The following HEATR6 variants were observed in gnomAD, a reference collection of about 807,000 sequenced individuals.
HEATR6 encodes the protein HEAT repeat-containing protein 6.
A neutral mutation model predicts 132.8 loss-of-function variants in HEATR6; 106 were observed. That is an observed-to-expected ratio of 0.80 (90% CI 0.68 to 0.94). HEATR6 has a LOEUF of 0.94. HEATR6 is among the 40% of genes least tolerant of loss of function. The pLI, the probability that HEATR6 is intolerant of heterozygous loss-of-function variation, is 0.00. For missense variants in HEATR6, 1,339 were observed against 1,425.1 expected (o/e 0.94, Z 0.97); for synonymous variants, 529 against 537.8 (o/e 0.98, Z 0.23).
At chr17:60,064,660 C>T (rs1183256240) in intron 9 of HEATR6, 2 of 149,654 alleles carry the variant, frequency 1.3e-5, no homozygotes, top group Non-Finnish European at 3.0e-5. Context: ...GAAGGAAGTT[C>T]TGTATCTTTT....
In HEATR6 at chr17:60,073,206, A is replaced by T. The variant is rs753676389; in HGVS notation, c.542T>A (p.Val181Asp). The T allele has an allele frequency of 2.9e-5, 46 of 1,613,562 alleles. No homozygotes were observed. Among genetic ancestry groups the T allele is most frequent in the Non-Finnish European group, 3.9e-5 (46 of 1,179,626 alleles). ...LSDLAQSDPE[V>D]RRAAVHCMAN... ...CATACAATGTACTGCAGCTCTCCTG[A>T]CTTCAGGATCAGACTGAGCCAAGTC... is the stretch of plus-strand genomic sequence containing the variant. Residue 181 changes from valine to aspartate, a missense_variant, in exon 4 of 20, where the codon GTC (valine) becomes GAC (aspartate). Coordinates refer to ENST00000184956, the MANE Select transcript of HEATR6 (RefSeq NM_022070.5).
intron 9 of HEATR6, among the ~76,000 whole-genome samples, chr17:60,061,889 C>G (rs2083214090): frequency 6.6e-6 from 1 of 152,184 alleles, no homozygotes. Flanking sequence ...ATCACAATTC[C>G]AACAGCTCAC....
At chr17:60,055,624 A>C (rs1568617624) in intron 13 of HEATR6, 23 bp from the exon 14 acceptor site, 1 of 1,562,962 alleles carries the variant, frequency 6.4e-7, no homozygotes, top group Non-Finnish European at 8.8e-7. Flanking sequence ...AGAATTACCG[A>C]AGTGGAGCAT....
chr17:60,076,552 T>A (rs761191348), intron 1 of HEATR6: 29 of 217,736 alleles, frequency 1.3e-4, no homozygotes, highest in Admixed American at 5.1e-4. Flanking sequence ...AAAACTTTTT[T>A]AAAAAAATTA....
At position 60,046,069 on chromosome 17, in the gene HEATR6, C is replaced by A; in HGVS notation, c.2930G>T (p.Cys977Phe). The change falls in exon 19 of 20, where the codon TGT (cysteine) becomes TTT (phenylalanine). Residue 977 changes from cysteine (C) to phenylalanine (F), a missense_variant. Coordinates refer to ENST00000184956, the MANE Select transcript of HEATR6 (RefSeq NM_022070.5). ...EAAMKVRWNA[C>F]YAMGNVFKNP... ...TTTAAATACATTTCCCATTGCATAA[C>A]AAGCATTCCATCGGACTTTCATGGC... 6.2e-7 allele frequency: 1 copy of A among 1,614,084 alleles called. No homozygotes were observed. The highest frequency in any genetic ancestry group is 8.5e-7 in the Non-Finnish European group (1 of 1,179,996).
chr17:60,056,416 T>C (rs1405844066), intron 12 of HEATR6, among the ~76,000 whole-genome samples, 179 bp from the exon 13 acceptor site: 3 of 152,232 alleles, frequency 2.0e-5, no homozygotes, highest in Non-Finnish European at 4.4e-5. Context: ...ATCATAGTTT[T>C]ATGGTGCTTT....
intron 1 of HEATR6, among the ~76,000 whole-genome samples, chr17:60,077,554 T>C (rs1227092266): frequency 1.3e-5 from 2 of 152,254 alleles, no homozygotes; most frequent in Non-Finnish European, 2.9e-5. Flanking sequence ...ACTTTGCATA[T>C]ATAAACACAC....
chr17:60,072,152 A>C (rs149094289), intron 5 of HEATR6, 63 bp downstream of exon 5: 5 of 732,196 alleles, frequency 6.8e-6, no homozygotes, highest in Non-Finnish European at 1.1e-5. Context: ...CGTTAGTAAC[A>C]CTTTTCCAAT....
At chr17:60,062,738 A>T (rs1048388217) in intron 9 of HEATR6, among the ~76,000 whole-genome samples, 4 of 152,076 alleles carry the variant, frequency 2.6e-5, no homozygotes, top group African/African-American at 9.7e-5. Context: ...TATCTAAGTG[A>T]TATGGTTTAG....
chr17:60,072,123 T>C (rs1352547897), intron 5 of HEATR6, 92 bp downstream of exon 5: 1 of 508,650 alleles, frequency 2.0e-6, no homozygotes, highest in Non-Finnish European at 3.5e-6. Flanking sequence ...TAGACGAAGC[T>C]AATGGTGCAA....
rs768789098 is a variant in HEATR6 at position 60,076,228 on chromosome 17, C to A, written c.229G>T (p.Ala77Ser). 3.1e-6 allele frequency: 5 copies of A among 1,590,462 alleles called. No homozygotes were observed. In the South Asian group the frequency reaches 4.5e-5, roughly 14 times the overall value. ...GSGVAPEDVS[A>S]LLVQACRLVP... ...AGTCGGCAAGCCTGGACAAGAAGAG[C>A]ACTAACGTCCTACCAAAAAAAAAAA... is the stretch of plus-strand genomic sequence containing the variant. Residue 77 changes from alanine (A) to serine (S), a missense_variant, in exon 2 of 20, where the codon GCT becomes TCT. Physicochemically the swap from Ala to Ser is moderately conservative, Grantham distance 99. Coordinates refer to ENST00000184956, the MANE Select transcript of HEATR6 (RefSeq NM_022070.5).
chr17:60,043,100 G>A lies in HEATR6; in HGVS notation c.*463C>T. 1 of 268,938 alleles carries A rather than the reference G, an allele frequency of 3.7e-6. No individual in the cohort carries two copies. The highest frequency in any genetic ancestry group is 7.3e-6 in the Non-Finnish European group (1 of 136,066). 16.7% of individuals were successfully genotyped at this position (268,938 alleles called of 1,614,324 possible). A position where few individuals can be genotyped will look rare whatever the true frequency, so the allele number is the denominator to read the frequency against. On this transcript the variant is annotated 3_prime_UTR_variant, in exon 20 of 20. Transcript: ENST00000184956. ...GGCACTGTCAGCATCCTCGCATCCT[G>A]TGCAGCTGGGCCAGGACAAACTGGC...
At chr17:60,056,731 GCAAAAAT>G (rs1906754716) in intron 12 of HEATR6, among the ~76,000 whole-genome samples, 1 of 152,114 alleles carries the variant, frequency 6.6e-6, no homozygotes, top group Non-Finnish European at 1.5e-5. Flanking sequence ...CATTTAAGTT[GCAAAAAT>G]CAAAAATTAA....
In HEATR6 at chr17:60,070,827, C is replaced by A. The variant is rs1350583986; in HGVS notation, c.700-20G>T. 7.7e-7 allele frequency: 1 copy of A among 1,299,844 alleles called. No homozygotes were observed. The highest frequency in any genetic ancestry group is 1.1e-6 in the Non-Finnish European group (1 of 893,740). 80.5% of individuals were successfully genotyped at this position (1,299,844 alleles called of 1,614,324 possible). A position where few individuals can be genotyped will look rare whatever the true frequency, so the allele number is the denominator to read the frequency against. ...CAATAACTAGGGGGAAAAGGGAGACCCAGTTAGAAGGCAGAATAAAATCTG... is the reference window on the plus strand; with the variant it reads ...CAATAACTAGGGGGAAAAGGGAGACACAGTTAGAAGGCAGAATAAAATCTG... On this transcript the variant is annotated intron_variant, in intron 5 of 19. Coordinates refer to ENST00000184956, the MANE Select transcript of HEATR6 (RefSeq NM_022070.5).
At position 60,059,901 on chromosome 17, in the gene HEATR6, G is replaced by C; in HGVS notation, c.1612C>G (p.Gln538Glu). Residue 538 changes from glutamine to glutamate, a missense_variant, in exon 10 of 20, where the codon CAG becomes GAG. Gln to Glu is a conservative substitution (Grantham distance 29, BLOSUM62 2). Coordinates refer to ENST00000184956, the MANE Select transcript of HEATR6 (RefSeq NM_022070.5). ...AGTTGGTACATTACCTTAATTATCT[G>C]AGTAACGGTCTGTGAGGATGACTCC... ...VAESSSQTVTQIIKCLANLVS... is the reference protein window; with the variant it reads ...VAESSSQTVTEIIKCLANLVS... The C allele has an allele frequency of 6.2e-7, 1 of 1,613,058 alleles. No individual in the cohort carries two copies. The highest frequency in any genetic ancestry group is 1.3e-5 in the African/African-American group (1 of 75,022).
In HEATR6 at chr17:60,067,661, A is replaced by C; in HGVS notation, c.1011T>G (p.Ser337Arg). 6.2e-7 allele frequency: 1 copy of C among 1,612,608 alleles called. No individual in the cohort carries two copies. The highest frequency in any genetic ancestry group is 8.5e-7 in the Non-Finnish European group (1 of 1,179,532). Residue 337 changes from serine to arginine, a missense_variant, in exon 8 of 20, where the codon AGT becomes AGG. Transcript: ENST00000184956. ...QQGEEEEKESSGEIEAAPVTG... is the reference protein window; with the variant it reads ...QQGEEEEKESRGEIEAAPVTG... ...TGACTGGGGCTGCCTCTATTTCACC[A>C]CTGGATTCCTTTTCCTCCTCCTCTC...
chr17:60,067,321 G>GC (rs1299352461), intron 8 of HEATR6, 113 bp downstream of exon 8: 9 of 603,178 alleles, frequency 1.5e-5, no homozygotes, highest in East Asian at 1.3e-4. Flanking sequence ...ATAACACCAT[G>GC]CCCCCCAGAA....
chr17:60,042,417 T>C lies in HEATR6; in HGVS notation c.*1146A>G, dbSNP rs8071824. Among the ~76,000 whole-genome samples the C allele has an allele frequency of 0.14, 11,844 of 83,052 alleles. 1,000 individuals are homozygous for C. Among genetic ancestry groups the C allele is most frequent in the African/African-American group, 0.43 (6,029 of 14,174 alleles). 54.5% of individuals were successfully genotyped at this position (83,052 alleles called of 152,430 possible). ...CGCGTCCTGTGCGGCTGTGAGGCACTGTCAGCATCCTCGCGTCCTGTGCGG... is the reference window on the plus strand; with the variant it reads ...CGCGTCCTGTGCGGCTGTGAGGCACCGTCAGCATCCTCGCGTCCTGTGCGG... On this transcript the variant is annotated 3_prime_UTR_variant, in exon 20 of 20. Coordinates refer to ENST00000184956, the MANE Select transcript of HEATR6 (RefSeq NM_022070.5).
intron 1 of HEATR6, chr17:60,076,700 C>T (rs1455560961): frequency 2.0e-5 from 3 of 151,008 alleles, no homozygotes. Context: ...GAGACCTTGT[C>T]TCTTAAAAAA....
Sources: gnomAD v4.1 joint callset for allele counts (sites outside exome capture counted in the v4.1 genomes callset) on GRCh38, gnomAD v4.1.1 for gene constraint, MANE v1.5 for transcripts, NCBI Gene and HGNC (gene_info 2026-07-23, HGNC 2026-07-21) for gene names.